MGST1: variants seen among roughly 807,000 people sequenced by gnomAD.
The protein encoded by MGST1 is glutathione S-transferase 12.
Under a neutral mutation model 8.9 loss-of-function variants are expected in MGST1, and 5 were observed. The observed-to-expected ratio is 0.56, with a 90% CI of 0.29 to 1.19. The LOEUF (loss-of-function observed/expected upper bound fraction) is 1.19, where lower values mean the gene tolerates loss of function less well. MGST1 is among the 50% of genes most tolerant of loss of function. The probability of loss-of-function intolerance (pLI) is 0.08; values close to 1 mark genes in which losing one functional copy is unlikely to be tolerated. For missense variants in MGST1, 182 were observed against 187.4 expected (o/e 0.97, Z 0.17); for synonymous variants, 54 against 67.8 (o/e 0.80, Z 1.00).
At chr12:16,502,050 C>T (rs1003674303) in intron 4 of MGST1, among the ~76,000 whole-genome samples, 4 of 152,024 alleles carry the variant, frequency 2.6e-5, no homozygotes, top group African/African-American at 7.2e-5. Context: ...CAGCTCAAAT[C>T]CGAACAAATA....
chr12:16,559,676 G>C lies in MGST1; in HGVS notation n.483-29852G>C, dbSNP rs987299485. On this transcript the variant is annotated intron_variant and non_coding_transcript_variant, in intron 4 of 4. Coordinates refer to the MGST1 transcript ENST00000538857. The surrounding 1 kb of genome is among the most constrained non-coding windows in gnomAD (Gnocchi z 4.1). ...AAGGTAAACAGCTAGATTGGGTGGGGGTGGTGGCTCATGCCTATAATCCCT... is the reference window on the plus strand; with the variant it reads ...AAGGTAAACAGCTAGATTGGGTGGGCGTGGTGGCTCATGCCTATAATCCCT... Among the ~76,000 whole-genome samples the C allele has an allele frequency of 2.6e-5, 4 of 152,130 alleles. No individual in the cohort carries two copies. Among genetic ancestry groups the C allele is most frequent in the Non-Finnish European group, 5.9e-5 (4 of 67,982 alleles).
rs1325344954 is a variant in MGST1 at position 16,486,896 on chromosome 12, T to C, written n.483-102632T>C. On this transcript the variant is annotated intron_variant and non_coding_transcript_variant, in intron 4 of 4. Transcript: ENST00000538857. ...GTTCTACTTGATTATACTCCTGTAA[T>C]TGCAGGACTCGCATTACAGTTCTTG... Among the ~76,000 whole-genome samples, 3 of 148,510 alleles carry C rather than the reference T, an allele frequency of 2.0e-5. No individual in the cohort carries two copies. The East Asian group carries it at 6.0e-4, about 30-fold the overall frequency.
chr12:16,380,861 C>T (rs1002197942), downstream of MGST1, among the ~76,000 whole-genome samples: 1 of 152,112 alleles, frequency 6.6e-6, no homozygotes, highest in Non-Finnish European at 1.5e-5. Context: ...GGATAGTTAG[C>T]TCTTCTTGTT....
At chr12:16,581,144 G>C (rs1358232630) in intron 4 of MGST1, among the ~76,000 whole-genome samples, 2 of 152,192 alleles carry the variant, frequency 1.3e-5, no homozygotes, top group African/African-American at 4.8e-5. Context: ...TTGAATGATT[G>C]AAAATTCAAT....
Position 16,464,634 on chromosome 12 carries a change from A to G in MGST1, n.482+81030A>G, listed in dbSNP as rs573463387. On this transcript the variant is annotated intron_variant and non_coding_transcript_variant, in intron 4 of 4. Transcript: ENST00000538857. ...GATTCCTATGCAAAGGTACTCACCT[A>G]TATTACTGTAACCAATAACATCACA... 7.2e-5 allele frequency among the ~76,000 whole-genome samples: 11 copies of G among 152,344 alleles called. No individual in the cohort carries two copies. In the South Asian group the frequency reaches 1.7e-3, roughly 23 times the overall value.
At chr12:16,508,205 T>C (rs1257495080) in intron 4 of MGST1, among the ~76,000 whole-genome samples, 1 of 152,170 alleles carries the variant, frequency 6.6e-6, no homozygotes, top group Admixed American at 6.5e-5. Context: ...ACATTGCTGG[T>C]AAATGAATGA....
chr12:16,449,495 T>C (rs1347909310), intron 4 of MGST1, among the ~76,000 whole-genome samples: 1 of 151,912 alleles, frequency 6.6e-6, no homozygotes, highest in African/African-American at 2.4e-5. Context: ...AAGGTGAGTA[T>C]ACAGTAATAC....
At chr12:16,375,450 A>G (rs1940362747) in intron 3 of MGST1, among the ~76,000 whole-genome samples, 1 of 152,158 alleles carries the variant, frequency 6.6e-6, no homozygotes, top group Admixed American at 6.5e-5. Context: ...ACCTTCCACA[A>G]AGGAACTATC....
intron 4 of MGST1, among the ~76,000 whole-genome samples, chr12:16,516,341 C>G (rs1941615096): frequency 6.6e-6 from 1 of 152,132 alleles, no homozygotes; most frequent in Admixed American, 6.5e-5. Context: ...CCATACAGCC[C>G]CAACTCAAAT....
intron 1 of MGST1, among the ~76,000 whole-genome samples, chr12:16,394,550 CTTT>C (rs1940587449): frequency 1.7e-5 from 1 of 59,174 alleles, no homozygotes; most frequent in African/African-American, 6.2e-5. Flanking sequence ...TTCTTTCTTT[CTTT>C]CTTTCTTTCT....
In MGST1 at chr12:16,458,542, TGTTA is replaced by T. The variant is rs1941195557; in HGVS notation, n.482+74942_482+74945del. ...TTGGTGAAACTTTATTTAGGAAGGG[TGTTA>T]GTTCACTTCATTGCTTTATCAATGA... On this transcript the variant is annotated intron_variant and non_coding_transcript_variant, in intron 4 of 4. Coordinates refer to the MGST1 transcript ENST00000538857. The surrounding 1 kb of genome is among the most constrained non-coding windows in gnomAD (Gnocchi z 4.0). Among the ~76,000 whole-genome samples the T allele has an allele frequency of 2.6e-5, 4 of 152,096 alleles. No individual in the cohort carries two copies. The South Asian group carries it at 8.3e-4, about 32-fold the overall frequency.
chr12:16,357,585 T>C lies in MGST1; in HGVS notation c.127-20T>C, dbSNP rs147860360. The stretch of plus-strand genomic sequence containing the variant: ...CTGGCCAGTATTTGAAATAAGTTTT[T>C]TTTCTTGGTATTTGGATAGGTTTTT... On this transcript the variant is annotated intron_variant, in intron 2 of 3. Coordinates refer to ENST00000396210, the MANE Select transcript of MGST1 (RefSeq NM_020300.5). 7.9e-4 allele frequency: 1,261 copies of C among 1,599,222 alleles called. 8 individuals carry two copies. In the African/African-American group the frequency reaches 0.014, roughly 18 times the overall value.
At chr12:16,423,340 A>G (rs1940854386) in intron 1 of MGST1, among the ~76,000 whole-genome samples, 1 of 152,204 alleles carries the variant, frequency 6.6e-6, no homozygotes, top group East Asian at 1.9e-4. Context: ...AGTGTATAAG[A>G]TTAGACATGA....
chr12:16,451,649 ACTAT>A (rs1366167679), intron 4 of MGST1, among the ~76,000 whole-genome samples: 6 of 151,994 alleles, frequency 3.9e-5, no homozygotes, highest in African/African-American at 7.2e-5. Context: ...TATACAGATC[ACTAT>A]CTATATTTTT....
chr12:16,402,102 A>T, intron 1 of MGST1: 1 of 1,531,514 alleles, frequency 6.5e-7, no homozygotes, highest in South Asian at 1.1e-5. Context: ...CTTTTCTCAT[A>T]TCAGCAGTCT....
chr12:16,385,104 G>A (rs1248502585), intron 1 of MGST1, among the ~76,000 whole-genome samples: 6 of 152,226 alleles, frequency 3.9e-5, no homozygotes, highest in Admixed American at 2.0e-4. Context: ...ATTTAGATAG[G>A]ACAGATCAGA....
chr12:16,435,386 A>G (rs1367853908), intron 1 of MGST1, among the ~76,000 whole-genome samples: 1 of 151,914 alleles, frequency 6.6e-6, no homozygotes, highest in Non-Finnish European at 1.5e-5. Context: ...CTTTTTCACG[A>G]TTCCAGGAAA....
At chr12:16,439,289 A>G (rs1448416917), downstream of MGST1, among the ~76,000 whole-genome samples, 2 of 151,862 alleles carry the variant, frequency 1.3e-5, no homozygotes, top group Admixed American at 6.6e-5. Context: ...AATTAATGTA[A>G]TATTGTTTTA....
At chr12:16,569,043 T>C (rs771145794) in intron 4 of MGST1, among the ~76,000 whole-genome samples, 3 of 152,328 alleles carry the variant, frequency 2.0e-5, no homozygotes, top group South Asian at 2.1e-4. Flanking sequence ...CCACCTATTG[T>C]TCCAGTTTCA....
Sources: gnomAD v4.1 joint callset for allele counts (sites outside exome capture counted in the v4.1 genomes callset) on GRCh38, gnomAD v4.1.1 for gene constraint, Gnocchi (gnomAD v3.1) non-coding constraint, MANE v1.5 for transcripts, NCBI Gene and HGNC (gene_info 2026-07-23, HGNC 2026-07-21) for gene names.